TMEM94: variants seen among roughly 807,000 people sequenced by gnomAD.
The protein encoded by TMEM94 is ER Mg2+ ATPase.
In TMEM94, 81 loss-of-function variants were observed where a neutral mutation model predicts 158.6. That is an observed-to-expected ratio of 0.51 (90% CI 0.43 to 0.61). TMEM94 has a LOEUF of 0.61. TMEM94 is among the 20% of genes least tolerant of loss of function. The pLI, the probability that TMEM94 is intolerant of heterozygous loss-of-function variation, is 0.00. For synonymous variants in TMEM94, 751 were observed against 730.7 expected (o/e 1.03, Z -0.45); for missense variants, 1,435 against 1,762.0 (o/e 0.81, Z 3.32).
At chr17:75,477,736 C>T (rs562539597) in intron 2 of TMEM94, among the ~76,000 whole-genome samples, 3 of 152,004 alleles carry the variant, frequency 2.0e-5, no homozygotes, top group South Asian at 2.1e-4. Context: ...GGCGGCCGGG[C>T]GCAGTGGTTC....
At chr17:75,463,674 A>T (rs1307375370) in intron 1 of TMEM94, among the ~76,000 whole-genome samples, 1 of 152,202 alleles carries the variant, frequency 6.6e-6, no homozygotes, top group African/African-American at 2.4e-5. Context: ...TTTTGAACCT[A>T]AGTGCAGGAC....
At position 75,490,065 on chromosome 17, in the gene TMEM94, A is replaced by G. The variant is rs2052015242; in HGVS notation, c.955-169A>G. The G allele has an allele frequency of 3.2e-6, 3 of 936,238 alleles. No homozygotes were observed. The South Asian group carries it at 5.2e-5, about 16-fold the overall frequency. The allele number at this position is 936,238 out of a possible 1,614,324, so 58.0% of individuals were successfully genotyped here. ...CTGCCCTCCAGCCTGGCGACGGAGC[A>G]AGACTCCGTCTCAAAAAAAAAAAAA... is the stretch of plus-strand genomic sequence containing the variant. On this transcript the variant is annotated intron_variant, in intron 9 of 31. Transcript: ENST00000314256.
Position 75,498,971 on chromosome 17 carries a change from G to C in TMEM94, c.3887G>C (p.Ser1296Thr), listed in dbSNP as rs2053036892. ...VDLQLWTHRDSHVHFGLEDVP... is the reference protein window; with the variant it reads ...VDLQLWTHRDTHVHFGLEDVP... ...CTGCAGCTGTGGACACACAGGGACA[G>C]CCACGTCCACTTTGGCCTGGAGGAC... Residue 1296 changes from serine (S) to threonine (T), a missense_variant, in exon 31 of 32, where the codon AGC becomes ACC. This residue lies in a region of TMEM94 where 335 missense variants were observed against 409.1 expected (regional missense o/e 0.82). Transcript: ENST00000314256. This position sits in a 1 kb window ranked among gnomAD's most constrained non-coding sequence, Gnocchi z 6.7. 1.3e-6 allele frequency: 2 copies of C among 1,596,240 alleles called. No individual in the cohort carries two copies. Among genetic ancestry groups the C allele is most frequent in the Non-Finnish European group, 8.5e-7 (1 of 1,171,774 alleles).
At position 75,492,045 on chromosome 17, in the gene TMEM94, T is replaced by C; in HGVS notation, c.1596+145T>C. On this transcript the variant is annotated intron_variant, in intron 14 of 31. Coordinates refer to ENST00000314256, the MANE Select transcript of TMEM94 (RefSeq NM_014738.6). The surrounding 1 kb of genome is among the most constrained non-coding windows in gnomAD (Gnocchi z 4.4). ...ACCTCCAGGCTAGGCCAGTGGTCCC[T>C]GAGGCCCTCCCCAAGTCTGCTGCGA... 1 of 883,188 alleles carries C rather than the reference T, an allele frequency of 1.1e-6. No homozygotes were observed. The highest frequency in any genetic ancestry group is 2.7e-5 in the Admixed American group (1 of 36,746). 54.7% of individuals were successfully genotyped at this position (883,188 alleles called of 1,614,324 possible). A position where few individuals can be genotyped will look rare whatever the true frequency, so the allele number is the denominator to read the frequency against.
At position 75,491,325 on chromosome 17, in the gene TMEM94, A is replaced by G. The variant is rs1309696690; in HGVS notation, c.1256A>G (p.Gln419Arg). Residue 419 changes from glutamine (Q) to arginine (R), a missense_variant, in exon 13 of 32, where the codon CAG (glutamine) becomes CGG (arginine). Coordinates refer to ENST00000314256, the MANE Select transcript of TMEM94 (RefSeq NM_014738.6). The surrounding 1 kb of genome is among the most constrained non-coding windows in gnomAD (Gnocchi z 5.1). Reference protein sequence around the residue: ...SVTVLCCVDKQGILSWPNPSP... With the variant: ...SVTVLCCVDKRGILSWPNPSP... ...CAGGTCCTGTGCTGTGTGGACAAAC[A>G]GGGGATCCTGTCATGGCCAAATCCC... The G allele has an allele frequency of 1.2e-6, 2 of 1,614,110 alleles. No homozygotes were observed. Among genetic ancestry groups the G allele is most frequent in the Non-Finnish European group, 1.7e-6 (2 of 1,179,986 alleles).
At chr17:75,460,490 G>A (rs2050028093) in intron 1 of TMEM94, among the ~76,000 whole-genome samples, 1 of 151,158 alleles carries the variant, frequency 6.6e-6, no homozygotes, top group Non-Finnish European at 1.5e-5. Context: ...AGAGCCTATT[G>A]CAAAATCAGA....
At position 75,489,768 on chromosome 17, in the gene TMEM94, C is replaced by T; in HGVS notation, c.954+106C>T. 1.0e-6 allele frequency: 1 copy of T among 982,976 alleles called. No individual in the cohort carries two copies. 60.9% of individuals were successfully genotyped at this position (982,976 alleles called of 1,614,324 possible). On this transcript the variant is annotated intron_variant, in intron 9 of 31. Coordinates refer to ENST00000314256, the MANE Select transcript of TMEM94 (RefSeq NM_014738.6). This position sits in a 1 kb window ranked among gnomAD's most constrained non-coding sequence, Gnocchi z 5.0. ...TCCCTCTCTGCAGCCCAGAGGTCCC[C>T]TCACGCTTCAGCTTAAGAACACCTC...
intron 1 of TMEM94, among the ~76,000 whole-genome samples, chr17:75,458,873 C>A (rs989842961): frequency 5.9e-5 from 9 of 151,616 alleles, no homozygotes; most frequent in African/African-American, 2.2e-4. Context: ...CTGGCTAACA[C>A]GGTGAAACCC....
intron 1 of TMEM94, among the ~76,000 whole-genome samples, chr17:75,464,672 C>CTTTCT (rs1567906973): frequency 1.8e-4 from 16 of 86,492 alleles, no homozygotes; most frequent in African/African-American, 7.5e-4. Flanking sequence ...TCCTTCCTTC[C>CTTTCT]TTCCTTCTTT....
chr17:75,496,024 C>A lies in TMEM94; in HGVS notation c.3003C>A (p.Gly1001=), dbSNP rs1200114006. 6.2e-7 allele frequency: 1 copy of A among 1,613,420 alleles called. No homozygotes were observed. The highest frequency in any genetic ancestry group is 8.5e-7 in the Non-Finnish European group (1 of 1,179,950). Residue 1001 remains glycine, a synonymous_variant, in exon 23 of 32, where the codon GGC becomes GGA. Transcript: ENST00000314256. ...QEYGEVTCCL[G]SSANLRNSCL... is the part of the protein sequence containing the mutation. ...ACGGGGAGGTGACCTGCTGCCTGGG[C>A]AGCTCTGCCAACCTGCGGAACAGCT... is the stretch of plus-strand genomic sequence containing the variant.
chr17:75,486,162 G>A (rs2051585569), intron 4 of TMEM94, 128 bp from the exon 5 acceptor site: 1 of 1,479,996 alleles, frequency 6.8e-7, no homozygotes, highest in Non-Finnish European at 9.1e-7. Flanking sequence ...CCTAGCTGGT[G>A]TCAGGGCACC....
Position 75,498,653 on chromosome 17 carries a change from A to ATCG in TMEM94, c.3759_3761dup (p.Arg1254dup). 1 of 1,607,274 alleles carries ATCG rather than the reference A, an allele frequency of 6.2e-7. No homozygotes were observed. On this transcript the variant is annotated inframe_insertion, in exon 30 of 32. Coordinates refer to ENST00000314256, the MANE Select transcript of TMEM94 (RefSeq NM_014738.6). The surrounding 1 kb of genome is among the most constrained non-coding windows in gnomAD (Gnocchi z 6.7). ...GTCTTCATTTCCATCACCCATGTGC[A>ATCG]TCGCACCAAGCCCCTGTGGAGAAAG...
chr17:75,496,642 G>A (rs145972264), intron 24 of TMEM94, 88 bp from the exon 25 acceptor site: 426 of 1,453,736 alleles, frequency 2.9e-4, no homozygotes, highest in Non-Finnish European at 3.9e-4. Context: ...CATCCTGGGC[G>A]TCTGGCTCTT....
chr17:75,464,773 A>G (rs1432831978), intron 1 of TMEM94, among the ~76,000 whole-genome samples: 2 of 150,080 alleles, frequency 1.3e-5, no homozygotes, highest in East Asian at 3.9e-4. Context: ...CGATGGCATG[A>G]TCTCAGCTCA....
rs746531533 is a variant in TMEM94, at chr17:75,485,402, G to A, written c.25-26G>A. The A allele has an allele frequency of 1.7e-5, 28 of 1,604,146 alleles. No individual in the cohort carries two copies. The highest frequency in any genetic ancestry group is 2.0e-5 in the Non-Finnish European group (23 of 1,172,810). ...TGCATAGCCTTGGCCTGGCAGTGAC[G>A]CCCAGCGCCTCCTGCTTGCCTGCAG... On this transcript the variant is annotated intron_variant, in intron 2 of 31. Coordinates refer to ENST00000314256, the MANE Select transcript of TMEM94 (RefSeq NM_014738.6). The surrounding 1 kb of genome is among the most constrained non-coding windows in gnomAD (Gnocchi z 5.5).
At chr17:75,471,328 C>G (rs951053738) in intron 1 of TMEM94, among the ~76,000 whole-genome samples, 1 of 151,964 alleles carries the variant, frequency 6.6e-6, no homozygotes, top group African/African-American at 2.4e-5. Context: ...CTCTGTAGCC[C>G]TCTCCCTCCT....
At chr17:75,463,484 G>A (rs992214345) in intron 1 of TMEM94, among the ~76,000 whole-genome samples, 3 of 151,878 alleles carry the variant, frequency 2.0e-5, no homozygotes, top group Non-Finnish European at 2.9e-5. Context: ...TGTGTGATGC[G>A]CAACTGAACA....
intron 1 of TMEM94, among the ~76,000 whole-genome samples, chr17:75,470,920 AAATAAT>A (rs34433342): frequency 8.2e-5 from 12 of 145,940 alleles, no homozygotes; most frequent in South Asian, 2.2e-4. Flanking sequence ...CTCTGTCTCA[AAATAAT>A]AATAATAATA....
chr17:75,490,607 G>A (rs2052078522), intron 10 of TMEM94, 95 bp from the exon 11 acceptor site: 7 of 1,179,604 alleles, frequency 5.9e-6, no homozygotes, highest in Admixed American at 1.9e-5. Flanking sequence ...GGGGTTGGGA[G>A]CCCCGCTGGT....
Sources: allele counts gnomAD v4.1 joint callset (sites outside exome capture counted in the v4.1 genomes callset), GRCh38; gene constraint gnomAD v4.1.1; regional missense constraint gnomAD v4.1.1; non-coding constraint Gnocchi (gnomAD v3.1); transcripts MANE v1.5; gene names NCBI Gene and HGNC (gene_info 2026-07-23, HGNC 2026-07-21).